The following DYNC2H1 variants were observed in gnomAD, a reference collection of about 807,000 sequenced individuals.
DYNC2H1 encodes dynein cytoplasmic 2 heavy chain 1, also known as cytoplasmic dynein 2 heavy chain 1.
DYNC2H1 carries 410 observed loss-of-function variants against 570.0 expected under a neutral mutation model. That is an observed-to-expected ratio of 0.72 (90% CI 0.66 to 0.78). DYNC2H1 has a LOEUF of 0.78. DYNC2H1 is among the 30% of genes least tolerant of loss of function. DYNC2H1 has a pLI of 0.00. For missense variants in DYNC2H1, 4,865 were observed against 5,046.4 expected (o/e 0.96, Z 1.09); for synonymous variants, 1,688 against 1,677.6 (o/e 1.01, Z -0.15).
chr11:103,207,698 T>C (rs1862995092), intron 52 of DYNC2H1, among the ~76,000 whole-genome samples: 1 of 152,048 alleles, frequency 6.6e-6, no homozygotes, highest in Admixed American at 6.6e-5. Flanking sequence ...CACTTGAGGT[T>C]AGTGATCATG....
At chr11:103,339,310 G>T (rs1939320291) in intron 82 of DYNC2H1, among the ~76,000 whole-genome samples, 1 of 152,118 alleles carries the variant, frequency 6.6e-6, no homozygotes, top group Non-Finnish European at 1.5e-5. Flanking sequence ...TTCCACCGGG[G>T]GTCACCCAAG....
Position 103,199,945 on chromosome 11 carries a change from C to A in DYNC2H1, c.8089-101C>A. On this transcript the variant is annotated intron_variant, in intron 49 of 88. Transcript: ENST00000375735. The surrounding 1 kb of genome is among the most constrained non-coding windows in gnomAD (Gnocchi z 4.6). ...AAATGGAAATAAATGAATAAATAAA[C>A]ACATGATACTGGCATACTTTACATA... 1 of 713,930 alleles carries A rather than the reference C, an allele frequency of 1.4e-6. No individual in the cohort carries two copies. The highest frequency in any genetic ancestry group is 2.1e-5 in the South Asian group (1 of 48,114). The allele number at this position is 713,930 out of a possible 1,614,324, so 44.2% of individuals were successfully genotyped here.
chr11:103,303,023 A>T, intron 75 of DYNC2H1, 70 bp from the exon 76 acceptor site: 1 of 1,157,922 alleles, frequency 8.6e-7, no homozygotes, highest in Non-Finnish European at 1.1e-6. Flanking sequence ...TATATCATAT[A>T]ATTAGATTTA....
intron 66 of DYNC2H1, among the ~76,000 whole-genome samples, chr11:103,255,198 C>T (rs746497777): frequency 6.6e-6 from 1 of 152,066 alleles, no homozygotes; most frequent in Non-Finnish European, 1.5e-5. Flanking sequence ...AGCTTTTCTA[C>T]AGTAGTTAAT....
At chr11:103,402,026 TAATG>T (rs968398915) in intron 84 of DYNC2H1, 3 of 152,118 alleles carry the variant, frequency 2.0e-5, no homozygotes, top group African/African-American at 7.2e-5. Flanking sequence ...CCATCAGAGA[TAATG>T]AAGGAGGTTT....
chr11:103,380,268 T>C (rs1424612706), intron 83 of DYNC2H1, among the ~76,000 whole-genome samples: 1 of 152,190 alleles, frequency 6.6e-6, no homozygotes, highest in Non-Finnish European at 1.5e-5. Flanking sequence ...TTCTGAAGTT[T>C]TTCTTAGGTT....
At chr11:103,442,998 C>G (rs1387629443) in intron 85 of DYNC2H1, among the ~76,000 whole-genome samples, 1 of 147,842 alleles carries the variant, frequency 6.8e-6, no homozygotes. Flanking sequence ...TTAAAGGCTT[C>G]TCTTAATCTT....
chr11:103,277,036 C>G lies in DYNC2H1; in HGVS notation c.10696-3312C>G, dbSNP rs1865936490. Among the ~76,000 whole-genome samples the G allele has an allele frequency of 6.6e-6, 1 of 152,078 alleles. No individual in the cohort carries two copies. Among genetic ancestry groups the G allele is most frequent in the South Asian group, 2.1e-4 (1 of 4,832 alleles). Reference sequence around the variant, plus strand: ...CTTGGCCTTACAATTCTTATTTTAACATATGCCACTTAATTTTTTAAATTA... The same window carrying G: ...CTTGGCCTTACAATTCTTATTTTAAGATATGCCACTTAATTTTTTAAATTA... On this transcript the variant is annotated intron_variant, in intron 70 of 88. Transcript: ENST00000375735. The surrounding 1 kb of genome is among the most constrained non-coding windows in gnomAD (Gnocchi z 4.3).
chr11:103,369,321 A>C lies in DYNC2H1; in HGVS notation c.12156+10962A>C, dbSNP rs11225750. ...TGGCGGCAGGAACCTGAGTTCTTGC[A>C]AGCCTCACCAAAGCAGGCGGAAGTA... On this transcript the variant is annotated intron_variant, in intron 83 of 88. Coordinates refer to ENST00000375735, the MANE Select transcript of DYNC2H1 (RefSeq NM_001377.3). The surrounding 1 kb of genome is among the most constrained non-coding windows in gnomAD (Gnocchi z 4.0). Among the ~76,000 whole-genome samples the C allele has an allele frequency of 0.03, 4,613 of 152,304 alleles. 227 individuals carry two copies. Among genetic ancestry groups the C allele is most frequent in the African/African-American group, 0.11 (4,380 of 41,552 alleles).
chr11:103,468,970 T>C (rs745736342), intron 88 of DYNC2H1, among the ~76,000 whole-genome samples: 1 of 152,240 alleles, frequency 6.6e-6, no homozygotes. Flanking sequence ...AAGCCTTTAA[T>C]GATAATAAGA....
In DYNC2H1 at chr11:103,249,443, A is replaced by G. The variant is rs796783217; in HGVS notation, c.10043-3842A>G. ...ATTTTTACAAATTGAATACACCTGT[A>G]TAAACACCCAGATCAAGACATAAGA... On this transcript the variant is annotated intron_variant, in intron 65 of 88. Transcript: ENST00000375735. This position sits in a 1 kb window ranked among gnomAD's most constrained non-coding sequence, Gnocchi z 4.6. 6.6e-6 allele frequency among the ~76,000 whole-genome samples: 1 copy of G among 152,030 alleles called. No individual in the cohort carries two copies. The highest frequency in any genetic ancestry group is 2.4e-5 in the African/African-American group (1 of 41,446).
intron 47 of DYNC2H1, among the ~76,000 whole-genome samples, chr11:103,196,400 A>G (rs1344625803): frequency 6.6e-6 from 1 of 152,158 alleles, no homozygotes; most frequent in Non-Finnish European, 1.5e-5. Context: ...CTTACTCAAT[A>G]CTTATCTCAG....
chr11:103,413,866 C>T (rs925716218), intron 84 of DYNC2H1, among the ~76,000 whole-genome samples: 5 of 152,170 alleles, frequency 3.3e-5, no homozygotes, highest in Non-Finnish European at 5.9e-5. Context: ...ATCATCATCC[C>T]AAGTTAATAG....
In DYNC2H1 at chr11:103,275,439, C is replaced by T. The variant is rs1865870089; in HGVS notation, c.10696-4909C>T. On this transcript the variant is annotated intron_variant, in intron 70 of 88. Coordinates refer to ENST00000375735, the MANE Select transcript of DYNC2H1 (RefSeq NM_001377.3). This position sits in a 1 kb window ranked among gnomAD's most constrained non-coding sequence, Gnocchi z 4.8. ...TTGAGAAATTTAAATGACATGTGTTCACCATTCTAGTATCTTACAGAGTAG... is the reference window on the plus strand; with the variant it reads ...TTGAGAAATTTAAATGACATGTGTTTACCATTCTAGTATCTTACAGAGTAG... 1.3e-5 allele frequency among the ~76,000 whole-genome samples: 2 copies of T among 152,170 alleles called. No homozygotes were observed.
chr11:103,134,679 G>A lies in DYNC2H1; in HGVS notation c.2205+260G>A, dbSNP rs369395900. Among the ~76,000 whole-genome samples, 3 of 151,950 alleles carry A rather than the reference G, an allele frequency of 2.0e-5. No individual in the cohort carries two copies. In the East Asian group the frequency reaches 5.8e-4, roughly 29 times the overall value. ...CTCAATTCAGAATTTGTAGGTTTTT[G>A]TCTTGGTATTTAAATATCTATCACT... On this transcript the variant is annotated intron_variant, in intron 15 of 88. Coordinates refer to ENST00000375735, the MANE Select transcript of DYNC2H1 (RefSeq NM_001377.3).
At chr11:103,188,470 G>T in intron 43 of DYNC2H1, 27 bp from the exon 44 acceptor site, 2 of 1,483,864 alleles carry the variant, frequency 1.3e-6, no homozygotes, top group Non-Finnish European at 1.8e-6. Flanking sequence ...GATAAAAAAC[G>T]TTTAAAATAT....
intron 59 of DYNC2H1, among the ~76,000 whole-genome samples, chr11:103,226,645 T>G (rs901411348): frequency 6.6e-6 from 1 of 152,210 alleles, no homozygotes; most frequent in African/African-American, 2.4e-5. Context: ...GCATCTGTGT[T>G]CATCAGGGAT....
intron 34 of DYNC2H1, among the ~76,000 whole-genome samples, chr11:103,171,748 T>C (rs1861582944): frequency 6.6e-6 from 1 of 152,166 alleles, no homozygotes; most frequent in Non-Finnish European, 1.5e-5. Flanking sequence ...CTGAAGAAAC[T>C]AGGACTTGAT....
chr11:103,159,196 T>C (rs1591336181), intron 28 of DYNC2H1, among the ~76,000 whole-genome samples, 169 bp downstream of exon 28: 1 of 152,314 alleles, frequency 6.6e-6, no homozygotes, highest in Middle Eastern at 3.4e-3. Flanking sequence ...AGGTTGTAAG[T>C]TGACAAATAT....
Sources: allele counts gnomAD v4.1 joint callset (sites outside exome capture counted in the v4.1 genomes callset), GRCh38; gene constraint gnomAD v4.1.1; non-coding constraint Gnocchi (gnomAD v3.1); transcripts MANE v1.5; gene names NCBI Gene and HGNC (gene_info 2026-07-23, HGNC 2026-07-21).